Variants in DNAH3 observed in about 807,000 individuals in gnomAD.
DNAH3 encodes the protein axonemal beta dynein heavy chain 3.
DNAH3 carries 332 observed loss-of-function variants against 432.5 expected under a neutral mutation model. That is an observed-to-expected ratio of 0.77 (90% confidence interval 0.70 to 0.84). DNAH3 has a LOEUF of 0.84. DNAH3 is among the 40% of genes least tolerant of loss of function. The pLI, the probability that DNAH3 is intolerant of heterozygous loss-of-function variation, is 0.00. For synonymous variants in DNAH3, 1,956 were observed against 1,900.2 expected, an observed-to-expected ratio of 1.03 and a Z score of -0.76; for missense variants, 4,861 against 5,114.0, an observed-to-expected ratio of 0.95 and a Z score of 1.51.
chr16:21,009,960 G>T (rs2087509838), intron 41 of DNAH3, among the ~76,000 whole-genome samples: 1 of 138,070 alleles, frequency 7.2e-6, no homozygotes, highest in South Asian at 2.6e-4. Flanking sequence ...GAAGGGAAGG[G>T]AAGAGGAGAA....
intron 29 of DNAH3, 144 bp downstream of exon 29, chr16:21,051,526 C>T (rs778363381): frequency 4.9e-5 from 39 of 791,466 alleles, no homozygotes; most frequent in Non-Finnish European, 7.3e-5. Context: ...AGTTTGCATG[C>T]CCATCTTTGG....
intron 16 of DNAH3, among the ~76,000 whole-genome samples, chr16:21,103,356 G>A (rs576432568): frequency 2.7e-5 from 4 of 148,632 alleles, no homozygotes; most frequent in Admixed American, 1.3e-4. Context: ...TGTGTGTGTG[G>A]GGGGGGGCAG....
chr16:21,094,804 G>A (rs1384961833), intron 18 of DNAH3, among the ~76,000 whole-genome samples: 1 of 152,112 alleles, frequency 6.6e-6, no homozygotes. Context: ...GGAGGTAACT[G>A]AATCATGGGG....
chr16:21,042,006 T>A, intron 32 of DNAH3, 21 bp downstream of exon 32: 1 of 1,613,488 alleles, frequency 6.2e-7, no homozygotes, highest in Non-Finnish European at 8.5e-7. Context: ...ACACCCCACA[T>A]GTATATCTGC....
At chr16:21,070,761 G>A (rs769380770) in exon 22 of DNAH3, 2 of 1,613,312 alleles carry the variant, frequency 1.2e-6, no homozygotes, top group South Asian at 2.2e-5. Context: ...ACATGGTCTG[G>A]GTCTTTATCA....
At chr16:21,014,422 C>T (rs995592483) in intron 41 of DNAH3, among the ~76,000 whole-genome samples, 4 of 152,148 alleles carry the variant, frequency 2.6e-5, no homozygotes, top group African/African-American at 9.7e-5. Flanking sequence ...ATGACAAAGA[C>T]TCTCAGTAAA....
chr16:20,989,359 C>A (rs1009110627), intron 44 of DNAH3, among the ~76,000 whole-genome samples: 3 of 151,780 alleles, frequency 2.0e-5, no homozygotes, highest in Admixed American at 6.6e-5. Context: ...ACTCACAAAC[C>A]TTGAGCTAAA....
At chr16:21,158,457 C>G (rs1429042391) in intron 1 of DNAH3, 2 of 152,588 alleles carry the variant, frequency 1.3e-5, no homozygotes, top group South Asian at 2.1e-4. Flanking sequence ...GTTTCCTCAG[C>G]TGTCAACCTC....
chr16:20,945,564 C>T (rs539448746), intron 57 of DNAH3, among the ~76,000 whole-genome samples: 9 of 151,508 alleles, frequency 5.9e-5, no homozygotes, highest in Non-Finnish European at 1.0e-4. Flanking sequence ...TATCTTGGCT[C>T]ACTGTAACCT....
chr16:21,129,815 G>A (rs770986184), intron 7 of DNAH3, among the ~76,000 whole-genome samples: 10 of 151,942 alleles, frequency 6.6e-5, no homozygotes, highest in Non-Finnish European at 1.3e-4. Flanking sequence ...AGGTTTGTTA[G>A]ATTCAAACAA....
At chr16:20,994,749 G>T (rs1412455990) in intron 44 of DNAH3, among the ~76,000 whole-genome samples, 1 of 151,936 alleles carries the variant, frequency 6.6e-6, no homozygotes, top group Non-Finnish European at 1.5e-5. Flanking sequence ...TACAGTATTT[G>T]CCTTTTTGTG....
chr16:21,056,004 T>C (rs947719354), intron 27 of DNAH3, among the ~76,000 whole-genome samples: 2 of 152,086 alleles, frequency 1.3e-5, no homozygotes, highest in African/African-American at 2.4e-5. Context: ...TCCCAAACTA[T>C]TGGGATTACA....
In DNAH3 at chr16:21,067,838, TC is replaced by T. The variant is rs146408091; in HGVS notation, c.3382-420del. Among the ~76,000 whole-genome samples, 624 of 138,722 alleles carry T rather than the reference TC, an allele frequency of 4.5e-3. 3 individuals carry two copies. Among genetic ancestry groups the T allele is most frequent in the Middle Eastern group, 0.024 (6 of 248 alleles). 91.0% of individuals were successfully genotyped at this position (138,722 alleles called of 152,430 possible). ...CAGGGCCAGGAAAGAGGAGCCAAGA[TC>T]AGAGAGATGGAAGGAGTTCCTAAGA... On this transcript the variant is annotated intron_variant, in intron 23 of 61. Coordinates refer to ENST00000261383, the Ensembl canonical transcript of DNAH3.
chr16:20,940,766 G>A (rs1404291844), intron 59 of DNAH3, among the ~76,000 whole-genome samples: 1 of 151,926 alleles, frequency 6.6e-6, no homozygotes, highest in Non-Finnish European at 1.5e-5. Flanking sequence ...CATGCATAGT[G>A]CTTAGAACCG....
chr16:20,974,434 A>G (rs1046975713), intron 51 of DNAH3, among the ~76,000 whole-genome samples: 1 of 151,652 alleles, frequency 6.6e-6, no homozygotes, highest in Non-Finnish European at 1.5e-5. Context: ...CCAAGTGTTC[A>G]AGGCTGCAGT....
intron 44 of DNAH3, among the ~76,000 whole-genome samples, chr16:20,989,596 C>G (rs994997987): frequency 7.9e-5 from 12 of 152,274 alleles, no homozygotes; most frequent in African/African-American, 2.7e-4. Context: ...GGATCCCGCA[C>G]CGGGGCTGCA....
At chr16:20,953,634 T>C (rs549227491) in intron 55 of DNAH3, among the ~76,000 whole-genome samples, 5 of 152,184 alleles carry the variant, frequency 3.3e-5, no homozygotes, top group African/African-American at 1.2e-4. Flanking sequence ...TAGAGTGGTA[T>C]GATCTCCCTT....
chr16:20,933,250 A>G (rs1181803476), exon 62 of DNAH3: 1 of 1,614,232 alleles, frequency 6.2e-7, no homozygotes, highest in Non-Finnish European at 8.5e-7. Flanking sequence ...CATAGTTGGT[A>G]GAGTGGCCTG....
intron 56 of DNAH3, among the ~76,000 whole-genome samples, chr16:20,952,057 T>C (rs1055806316): frequency 3.3e-5 from 5 of 152,166 alleles, no homozygotes; most frequent in Admixed American, 2.0e-4. Flanking sequence ...TTTTAATTTT[T>C]AGTAGAGATG....
Sources: gnomAD v4.1 joint callset for allele counts (sites outside exome capture counted in the v4.1 genomes callset) on GRCh38, gnomAD v4.1.1 for gene constraint, MANE v1.5 for transcripts, NCBI Gene and HGNC (gene_info 2026-07-23, HGNC 2026-07-21) for gene names.